CPNE8: variants seen among roughly 807,000 people sequenced by gnomAD.
The protein encoded by CPNE8 is copine-8.
A neutral mutation model predicts 81.5 loss-of-function variants in CPNE8; 45 were observed. The observed-to-expected ratio is 0.55, with a 90% CI of 0.44 to 0.71. The LOEUF is 0.71. CPNE8 is among the 30% of genes least tolerant of loss of function. The pLI is 0.00. For synonymous variants in CPNE8, 252 were observed against 226.3 expected (o/e 1.11, Z -1.02); for missense variants, 594 against 672.1 (o/e 0.88, Z 1.28).
intron 6 of CPNE8, among the ~76,000 whole-genome samples, chr12:38,784,026 G>C (rs898922384): frequency 1.3e-5 from 2 of 152,142 alleles, no homozygotes; most frequent in Non-Finnish European, 2.9e-5. Context: ...ACTAAATAAA[G>C]CACCAGGAAC....
intron 13 of CPNE8, among the ~76,000 whole-genome samples, chr12:38,708,810 A>T (rs1304074159): frequency 1.3e-5 from 2 of 152,228 alleles, no homozygotes; most frequent in African/African-American, 4.8e-5. Flanking sequence ...ACATACAGAG[A>T]GTAATACCAT....
intron 10 of CPNE8, among the ~76,000 whole-genome samples, chr12:38,733,027 C>T (rs1018794613): frequency 2.6e-5 from 4 of 151,898 alleles, no homozygotes; most frequent in African/African-American, 9.7e-5. Context: ...ATCCATTCAG[C>T]ATCTAGAGAA....
chr12:38,683,909 T>G (rs1225999650), intron 16 of CPNE8, among the ~76,000 whole-genome samples: 2 of 152,104 alleles, frequency 1.3e-5, no homozygotes, highest in East Asian at 3.8e-4. Flanking sequence ...CTGTGGAGCC[T>G]TTGATTTTAA....
intron 10 of CPNE8, among the ~76,000 whole-genome samples, chr12:38,746,047 A>C (rs1166518179): frequency 6.6e-6 from 1 of 152,180 alleles, no homozygotes; most frequent in Non-Finnish European, 1.5e-5. Context: ...CACTGCTTTA[A>C]GTGGCCGCAA....
chr12:38,761,006 A>C, intron 9 of CPNE8, 118 bp from the exon 10 acceptor site: 1 of 742,954 alleles, frequency 1.3e-6, no homozygotes, highest in South Asian at 1.7e-5. Flanking sequence ...TGCAGATTTT[A>C]CATATGAATT....
chr12:38,891,841 G>A (rs1455299337), intron 1 of CPNE8, among the ~76,000 whole-genome samples: 3 of 152,150 alleles, frequency 2.0e-5, no homozygotes, highest in Admixed American at 6.5e-5. Flanking sequence ...TCTATCAAGT[G>A]GCAAACATTT....
At chr12:38,853,869 A>G (rs564521060) in intron 3 of CPNE8, among the ~76,000 whole-genome samples, 1 of 152,218 alleles carries the variant, frequency 6.6e-6, no homozygotes, top group South Asian at 2.1e-4. Flanking sequence ...AAGCAGATGA[A>G]CTATGTTTTG....
intron 10 of CPNE8, among the ~76,000 whole-genome samples, chr12:38,745,380 TG>T (rs770638013): frequency 3.3e-4 from 51 of 152,354 alleles, no homozygotes; most frequent in Middle Eastern, 6.8e-3. Context: ...ATGCTTTGCC[TG>T]GTATTTTGTT....
chr12:38,669,192 G>A (rs2136642195), intron 19 of CPNE8, among the ~76,000 whole-genome samples: 1 of 152,058 alleles, frequency 6.6e-6, no homozygotes, highest in South Asian at 2.1e-4. Flanking sequence ...AAGTACTTTA[G>A]GTTGAAAAGC....
intron 10 of CPNE8, among the ~76,000 whole-genome samples, chr12:38,748,588 C>A (rs1245422873): frequency 1.3e-5 from 2 of 151,928 alleles, no homozygotes; most frequent in African/African-American, 4.8e-5. Flanking sequence ...GCAAGCTCTG[C>A]CTCCCTGGTT....
upstream of CPNE8, chr12:38,905,817 G>A: frequency 3.0e-6 from 3 of 985,388 alleles, no homozygotes; most frequent in Non-Finnish European, 3.6e-6. Context: ...CCGGGCGGGG[G>A]ACACACTCCG....
intron 15 of CPNE8, among the ~76,000 whole-genome samples, chr12:38,687,341 T>A (rs1565567448): frequency 6.6e-6 from 1 of 150,510 alleles, no homozygotes; most frequent in Non-Finnish European, 1.5e-5. Flanking sequence ...TTAAACACCA[T>A]TATGCTACCA....
At chr12:38,891,830 A>G (rs1481844121) in intron 1 of CPNE8, among the ~76,000 whole-genome samples, 2 of 152,252 alleles carry the variant, frequency 1.3e-5, no homozygotes, top group African/African-American at 4.8e-5. Flanking sequence ...CATTCTTCCA[A>G]TCTATCAAGT....
intron 11 of CPNE8, among the ~76,000 whole-genome samples, chr12:38,726,094 T>C (rs1940689622): frequency 6.6e-6 from 1 of 152,042 alleles, no homozygotes; most frequent in South Asian, 2.1e-4. Flanking sequence ...GCCCAGTTCC[T>C]AAAAGTCCAC....
At chr12:38,774,530 C>T (rs1204906965) in intron 7 of CPNE8, among the ~76,000 whole-genome samples, 1 of 151,958 alleles carries the variant, frequency 6.6e-6, no homozygotes, top group Non-Finnish European at 1.5e-5. Context: ...TTCTAAGGCA[C>T]TGGGTAGTAT....
In CPNE8 at chr12:38,656,341, G is replaced by GT. The variant is rs557384391; in HGVS notation, c.1507-2272dup. ...TTAGACTTTTTTTTTTTTTTGAAGA[G>GT]TTTTTTTTTTCTTTGTTTTTGAAAA... On this transcript the variant is annotated intron_variant, in intron 19 of 19. Coordinates refer to ENST00000331366, the MANE Select transcript of CPNE8 (RefSeq NM_153634.3). Among the ~76,000 whole-genome samples the GT allele has an allele frequency of 2.4e-3, 338 of 141,652 alleles. 1 individual carries two copies. The highest frequency in any genetic ancestry group is 4.1e-3 in the African/African-American group (161 of 38,846). The allele number at this position is 141,652 out of a possible 152,430, so 92.9% of individuals were successfully genotyped here.
intron 5 of CPNE8, among the ~76,000 whole-genome samples, chr12:38,835,796 T>C (rs964469834): frequency 2.0e-5 from 3 of 152,174 alleles, no homozygotes; most frequent in African/African-American, 7.2e-5. Flanking sequence ...TTAGAAAGTG[T>C]ATTAAAAAAT....
intron 1 of CPNE8, among the ~76,000 whole-genome samples, chr12:38,877,724 T>C (rs1944087452): frequency 6.6e-6 from 1 of 152,122 alleles, no homozygotes; most frequent in Non-Finnish European, 1.5e-5. Context: ...TAAAGGGGGA[T>C]AACTGAAATA....
At chr12:38,764,022 G>A (rs1251701425) in intron 8 of CPNE8, among the ~76,000 whole-genome samples, 1 of 152,106 alleles carries the variant, frequency 6.6e-6, no homozygotes, top group Non-Finnish European at 1.5e-5. Context: ...CGGCATCCGT[G>A]CCTTCTCCTT....
Sources: allele counts gnomAD v4.1 joint callset (sites outside exome capture counted in the v4.1 genomes callset), GRCh38; gene constraint gnomAD v4.1.1; transcripts MANE v1.5; gene names NCBI Gene and HGNC (gene_info 2026-07-23, HGNC 2026-07-21).